GPC5: variants seen among roughly 807,000 people sequenced by gnomAD.
GPC5 encodes the protein glypican 5, also known as glypican-5.
A neutral mutation model predicts 53.9 loss-of-function variants in GPC5; 47 were observed. That is an observed-to-expected ratio of 0.87 (90% confidence interval 0.69 to 1.11). The LOEUF (loss-of-function observed/expected upper bound fraction) is 1.11. Ranked by LOEUF, GPC5 falls within the 50% of genes most tolerant of loss-of-function variation. The pLI is 0.00. For synonymous variants in GPC5, 286 were observed against 263.3 expected (o/e 1.09, Z -0.84); for missense variants, 748 against 713.1 (o/e 1.05, Z -0.56).
chr13:92,397,092 C>T (rs1199490192), intron 7 of GPC5, among the ~76,000 whole-genome samples: 1 of 152,194 alleles, frequency 6.6e-6, no homozygotes, highest in Non-Finnish European at 1.5e-5. Context: ...AGATTTCTAG[C>T]AGGAGTTTCT....
chr13:92,259,869 A>G (rs1279264758), intron 7 of GPC5, among the ~76,000 whole-genome samples: 5 of 152,110 alleles, frequency 3.3e-5, no homozygotes, highest in African/African-American at 1.2e-4. Flanking sequence ...TTCAGGCTCT[A>G]TCACCCTCTA....
chr13:92,119,268 A>G (rs543507681), intron 6 of GPC5, among the ~76,000 whole-genome samples: 94 of 152,188 alleles, frequency 6.2e-4, no homozygotes, highest in African/African-American at 2.2e-3. Flanking sequence ...CAATGAGTCA[A>G]TTACCTCCCA....
intron 7 of GPC5, among the ~76,000 whole-genome samples, chr13:92,421,093 C>A (rs1566582870): frequency 1.3e-5 from 2 of 152,196 alleles, no homozygotes; most frequent in African/African-American, 4.8e-5. Context: ...TTTGTACAAT[C>A]AAATTTCTTT....
intron 7 of GPC5, among the ~76,000 whole-genome samples, chr13:92,529,255 T>A (rs896150299): frequency 2.0e-5 from 3 of 152,148 alleles, no homozygotes; most frequent in African/African-American, 7.2e-5. Context: ...ATCAATAATT[T>A]GCATGAATTC....
intron 2 of GPC5, among the ~76,000 whole-genome samples, chr13:91,621,112 T>G (rs2033843139): frequency 6.6e-6 from 1 of 152,176 alleles, no homozygotes; most frequent in African/African-American, 2.4e-5. Flanking sequence ...CTGCTTAATT[T>G]CATTATGTTT....
In GPC5 at chr13:91,891,202, G is replaced by T. The variant is rs996420325; in HGVS notation, c.1281-16735G>T. Reference sequence around the variant, plus strand: ...ACAATCTAATAACAGATGTATTAAAGATTTTTTTTAGAAACAACTTTTTCT... The same window carrying T: ...ACAATCTAATAACAGATGTATTAAATATTTTTTTTAGAAACAACTTTTTCT... On this transcript the variant is annotated intron_variant, in intron 5 of 7. Transcript: ENST00000377067. 2.6e-5 allele frequency among the ~76,000 whole-genome samples: 4 copies of T among 152,046 alleles called. 1 individual carries two copies. In the South Asian group the frequency reaches 8.3e-4, roughly 32 times the overall value.
In GPC5 at chr13:92,712,394, CA is replaced by C. The variant is rs993117380; in HGVS notation, c.1562-153887del. Among the ~76,000 whole-genome samples the C allele has an allele frequency of 1.7e-4, 25 of 151,400 alleles. No individual in the cohort carries two copies. The East Asian group carries it at 4.6e-3, about 28-fold the overall frequency. On this transcript the variant is annotated intron_variant, in intron 7 of 7. Coordinates refer to ENST00000377067, the MANE Select transcript of GPC5 (RefSeq NM_004466.6). Reference sequence around the variant, plus strand: ...AATAAATTTCATTTAAAAATCAACCCAGGATGGTGACAAACTTAAATGTCAA... The same window carrying C: ...AATAAATTTCATTTAAAAATCAACCCGGATGGTGACAAACTTAAATGTCAA...
At chr13:91,783,742 A>ATT (rs1178830091) in intron 5 of GPC5, among the ~76,000 whole-genome samples, 1 of 152,024 alleles carries the variant, frequency 6.6e-6, no homozygotes, top group African/African-American at 2.4e-5. Flanking sequence ...GTGCCCAGCT[A>ATT]TTTTTTTAAT....
chr13:92,605,961 A>G (rs76797202), intron 7 of GPC5, among the ~76,000 whole-genome samples: 5,168 of 152,262 alleles, frequency 0.034, 160 homozygotes, highest in Admixed American at 0.1. Flanking sequence ...GCAACTTTTA[A>G]TTCAAGAAGG....
chr13:91,834,383 T>A (rs1255687880), intron 5 of GPC5, among the ~76,000 whole-genome samples: 2 of 152,102 alleles, frequency 1.3e-5, no homozygotes, highest in Admixed American at 1.3e-4. Flanking sequence ...TTCACAGAAT[T>A]GGAAAAAACT....
At chr13:91,972,220 A>G (rs1664772729) in intron 6 of GPC5, among the ~76,000 whole-genome samples, 1 of 152,114 alleles carries the variant, frequency 6.6e-6, no homozygotes, top group African/African-American at 2.4e-5. Context: ...CCATTATGTA[A>G]TGGCCTTCTT....
chr13:92,220,701 G>A (rs989727912), intron 7 of GPC5, among the ~76,000 whole-genome samples: 1 of 151,974 alleles, frequency 6.6e-6, no homozygotes, highest in African/African-American at 2.4e-5. Flanking sequence ...TAATTTTGAA[G>A]GAAGTTTATT....
intron 1 of GPC5, among the ~76,000 whole-genome samples, chr13:91,405,183 A>G (rs1247187724): frequency 6.6e-6 from 1 of 152,190 alleles, no homozygotes; most frequent in African/African-American, 2.4e-5. Context: ...CATGATTTAC[A>G]TTACTATACG....
chr13:92,431,033 A>G (rs1325597059), intron 7 of GPC5, among the ~76,000 whole-genome samples: 1 of 152,164 alleles, frequency 6.6e-6, no homozygotes, highest in African/African-American at 2.4e-5. Context: ...TCTGGTAAAC[A>G]CAGAATTTAG....
rs1477501667 is a variant in GPC5, at chr13:91,457,030, A to G, written c.325+8108A>G. Among the ~76,000 whole-genome samples, 4 of 152,104 alleles carry G rather than the reference A, an allele frequency of 2.6e-5. 1 individual carries two copies. The highest frequency in any genetic ancestry group is 4.1e-4 in the South Asian group (2 of 4,830). ...TATTTTATGTGAAGAACAAAGTTAC[A>G]GTAAAATTGCGTAATAATTTGATCA... On this transcript the variant is annotated intron_variant, in intron 2 of 7. Coordinates refer to ENST00000377067, the MANE Select transcript of GPC5 (RefSeq NM_004466.6).
At chr13:92,275,934 C>T (rs556875747) in intron 7 of GPC5, among the ~76,000 whole-genome samples, 80 of 152,158 alleles carry the variant, frequency 5.3e-4, no homozygotes, top group African/African-American at 1.9e-3. Flanking sequence ...CAAAGATCAC[C>T]TTCTGCATTT....
intron 6 of GPC5, among the ~76,000 whole-genome samples, chr13:92,029,011 T>C (rs1028490919): frequency 6.6e-6 from 1 of 152,224 alleles, no homozygotes; most frequent in Non-Finnish European, 1.5e-5. Context: ...TTAAAATCAC[T>C]TGTGTTTGTT....
At chr13:92,189,033 A>G (rs2042203966) in intron 7 of GPC5, among the ~76,000 whole-genome samples, 3 of 152,136 alleles carry the variant, frequency 2.0e-5, no homozygotes, top group Admixed American at 6.5e-5. Context: ...GGATAACCTG[A>G]TGGATAATTG....
At chr13:92,439,297 T>C (rs1300751397) in intron 7 of GPC5, among the ~76,000 whole-genome samples, 5 of 152,146 alleles carry the variant, frequency 3.3e-5, no homozygotes, top group Non-Finnish European at 7.4e-5. Context: ...CATTTTCAAA[T>C]GCTATAGAAA....
Sources: allele counts gnomAD v4.1 joint callset (sites outside exome capture counted in the v4.1 genomes callset), GRCh38; gene constraint gnomAD v4.1.1; transcripts MANE v1.5; gene names NCBI Gene and HGNC (gene_info 2026-07-23, HGNC 2026-07-21).